The following LRCH2 variants were observed in gnomAD, a reference collection of about 807,000 sequenced individuals.
LRCH2 encodes leucine rich repeats and calponin homology domain containing 2.
A neutral mutation model predicts 68.9 loss-of-function variants in LRCH2; 38 were observed. That is an observed-to-expected ratio of 0.55 (90% CI 0.43 to 0.72). LRCH2 has a LOEUF of 0.72. LRCH2 is among the 30% of genes least tolerant of loss of function. The probability of loss-of-function intolerance (pLI) is 0.00; values close to 1 mark genes in which losing one functional copy is unlikely to be tolerated. For synonymous variants in LRCH2, 191 were observed against 208.1 expected (o/e 0.92, Z 0.71); for missense variants, 528 against 572.9 (o/e 0.92, Z 0.80).
chrX:115,231,053 T>G (rs1347184814), intron 1 of LRCH2, among the ~76,000 whole-genome samples: 1 of 111,476 alleles, frequency 9.0e-6, no homozygotes, highest in Non-Finnish European at 1.9e-5. Context: ...TTCCCCCATT[T>G]ATTTTGAAAT....
rs1178407952 is a variant in LRCH2 at position 115,165,886 on chromosome X, T to C, written c.1153A>G (p.Arg385Gly). ...VSESNREQTSRNDSHIIGSKT... is the reference protein window; with the variant it reads ...VSESNREQTSGNDSHIIGSKT... Reference sequence around the variant, plus strand: ...CTTCCTATTATGTGACTGTCATTTCTTGATGTCTGCTCTCTATTTGATTCT... The same window carrying C: ...CTTCCTATTATGTGACTGTCATTTCCTGATGTCTGCTCTCTATTTGATTCT... Residue 385 changes from arginine to glycine, a missense_variant, in exon 8 of 21, where the codon AGA becomes GGA. Arg to Gly is a moderately radical substitution (Grantham distance 125). Coordinates refer to ENST00000317135, the MANE Select transcript of LRCH2 (RefSeq NM_020871.4). 8 of 1,165,559 alleles carry C rather than the reference T, an allele frequency of 6.9e-6. No individual in the cohort carries two copies. Among genetic ancestry groups the C allele is most frequent in the Middle Eastern group, 2.3e-4 (1 of 4,320 alleles).
chrX:115,123,090 T>C lies in LRCH2; in HGVS notation c.1952A>G (p.Gln651Arg), dbSNP rs1556526571. The change falls in exon 18 of 21, where the codon CAA (glutamine) becomes CGA (arginine). Residue 651 changes from glutamine (Q) to arginine (R), a missense_variant. Transcript: ENST00000317135. Reference protein sequence around the residue: ...HLREEREQIRQLRNNLESRLK... With the variant: ...HLREEREQIRRLRNNLESRLK... The stretch of plus-strand genomic sequence containing the variant: ...AGCAATCTGACTTACGTTGCGAAGT[T>C]GTCGTATTTGCTCTCGCTCTTCCCG... 1 of 1,207,614 alleles carries C rather than the reference T, an allele frequency of 8.3e-7. No individual in the cohort carries two copies. The highest frequency in any genetic ancestry group is 2.2e-5 in the Admixed American group (1 of 45,693).
At chrX:115,220,809 C>T (rs988141570) in intron 1 of LRCH2, among the ~76,000 whole-genome samples, 5 of 111,010 alleles carry the variant, frequency 4.5e-5, no homozygotes, top group African/African-American at 1.6e-4. Context: ...ACTTTCAAAT[C>T]AATTTTAATG....
At chrX:115,131,109 T>C (rs1556529978) in intron 14 of LRCH2, among the ~76,000 whole-genome samples, 3 of 110,706 alleles carry the variant, frequency 2.7e-5, no homozygotes, top group Non-Finnish European at 5.7e-5. Context: ...GTTATATTTG[T>C]GGTCAATTTT....
chrX:115,160,661 T>C (rs1275562376), intron 11 of LRCH2, among the ~76,000 whole-genome samples: 1 of 112,179 alleles, frequency 8.9e-6, no homozygotes, highest in Non-Finnish European at 1.9e-5. Context: ...AAAAGAGATG[T>C]TACAACTCCT....
chrX:115,191,064 C>G, intron 1 of LRCH2: 3 of 1,166,400 alleles, frequency 2.6e-6, no homozygotes, highest in Non-Finnish European at 2.3e-6. Context: ...GCAACAGTTA[C>G]GGCCAGAGCC....
chrX:115,150,323 C>T (rs190748207), intron 12 of LRCH2, among the ~76,000 whole-genome samples: 1 of 109,906 alleles, frequency 9.1e-6, no homozygotes, highest in African/African-American at 3.3e-5. Context: ...TAAGGAATTC[C>T]CAGAAGCTAA....
At chrX:115,215,211 T>C (rs191886075) in intron 1 of LRCH2, among the ~76,000 whole-genome samples, 73 of 111,485 alleles carry the variant, frequency 6.5e-4, no homozygotes, top group Admixed American at 5.0e-3. Flanking sequence ...AATATTAGAA[T>C]GGGGAAGGAG....
At chrX:115,207,432 G>A (rs1199661546) in intron 1 of LRCH2, among the ~76,000 whole-genome samples, 19 of 111,518 alleles carry the variant, frequency 1.7e-4, no homozygotes, top group African/African-American at 5.9e-4. Flanking sequence ...AGCTACTCGG[G>A]AGGCTAAGAG....
chrX:115,189,844 G>C, intron 1 of LRCH2: 1 of 1,167,180 alleles, frequency 8.6e-7, no homozygotes, highest in Non-Finnish European at 1.1e-6. Flanking sequence ...CGGCTACGCG[G>C]GGTATTTCGA....
At chrX:115,205,951 G>A (rs868911425) in intron 1 of LRCH2, among the ~76,000 whole-genome samples, 2 of 1,137 alleles carry the variant, frequency 1.8e-3, no homozygotes, top group African/African-American at 2.3e-3. Flanking sequence ...AAAAAAAAAT[G>A]CAAAAAAAAA....
chrX:115,170,752 G>T (rs1407143391), intron 5 of LRCH2, among the ~76,000 whole-genome samples: 1 of 111,233 alleles, frequency 9.0e-6, no homozygotes, highest in African/African-American at 3.3e-5. Flanking sequence ...GCCTTTATTT[G>T]AAAAAATGAA....
chrX:115,200,065 C>T (rs1248360762), intron 1 of LRCH2, among the ~76,000 whole-genome samples: 4 of 111,459 alleles, frequency 3.6e-5, no homozygotes, highest in African/African-American at 1.3e-4. Flanking sequence ...GAAATTAATA[C>T]AAAAGATTAA....
rs2072552953 is a variant in LRCH2 at position 115,165,617 on chromosome X, C to T, written c.1237G>A (p.Asp413Asn). The T allele has an allele frequency of 5.1e-6, 6 of 1,169,638 alleles. No individual in the cohort carries two copies. Among genetic ancestry groups the T allele is most frequent in the Non-Finnish European group, 6.9e-6 (6 of 872,153 alleles). The change falls in exon 9 of 21, where the codon GAT (aspartate) becomes AAT (asparagine). Residue 413 changes from aspartate (D) to asparagine (N), a missense_variant. Physicochemically the swap from Asp to Asn is conservative, Grantham distance 23. Transcript: ENST00000317135. ...TTTCCCTGTTCAGGAACTGCTACAT[C>T]TTCTGTGTTGGGGTCAACAAAATCA... Reference protein sequence around the residue: ...VYDFVDPNTEDVAVPEQGNAH... With the variant: ...VYDFVDPNTENVAVPEQGNAH...
intron 14 of LRCH2, among the ~76,000 whole-genome samples, chrX:115,136,934 T>C (rs2072295456): frequency 8.9e-6 from 1 of 112,155 alleles, no homozygotes; most frequent in East Asian, 2.8e-4. Flanking sequence ...TATTGATACA[T>C]AATTGTACAT....
rs1210192105 is a variant in LRCH2, at chrX:115,234,068, A to G, written c.-27T>C. ...TTCCTGGGAGAGAGAATAGCCCCCG[A>G]CAATACTGTCAGCCTGTGCCGCGAG... On this transcript the variant is annotated 5_prime_UTR_variant, in exon 1 of 21. Transcript: ENST00000317135. 1 of 1,157,595 alleles carries G rather than the reference A, an allele frequency of 8.6e-7. No homozygotes were observed.
intron 20 of LRCH2, among the ~76,000 whole-genome samples, chrX:115,114,347 C>T (rs917974358): frequency 6.3e-5 from 7 of 110,858 alleles, no homozygotes; most frequent in African/African-American, 2.3e-4. Flanking sequence ...TAATATTTTG[C>T]TTATTTATTC....
At chrX:115,233,230 C>T (rs782271568) in intron 1 of LRCH2, among the ~76,000 whole-genome samples, 31 of 112,034 alleles carry the variant, frequency 2.8e-4, no homozygotes, top group Non-Finnish European at 4.7e-4. Flanking sequence ...ACAGAAAAAC[C>T]ATGGCAATCC....
chrX:115,189,875 C>A lies in LRCH2; in HGVS notation c.350-1505G>T. 2.6e-6 allele frequency: 3 copies of A among 1,164,437 alleles called. No homozygotes were observed. Among genetic ancestry groups the A allele is most frequent in the South Asian group, 1.9e-5 (1 of 52,683 alleles). ...TTCGACCTGTGGCCCTACAGGGCCC[C>A]GATGCCCAGGAAGCGCGGGCCGCCA... On this transcript the variant is annotated intron_variant, in intron 1 of 20. Transcript: ENST00000317135.
Sources: gnomAD v4.1 joint callset for allele counts (sites outside exome capture counted in the v4.1 genomes callset) on GRCh38, gnomAD v4.1.1 for gene constraint, MANE v1.5 for transcripts, NCBI Gene and HGNC (gene_info 2026-07-23, HGNC 2026-07-21) for gene names.